UVRAG: variants seen among roughly 807,000 people sequenced by gnomAD.
The protein encoded by UVRAG is UV radiation resistance-associated gene protein.
A neutral mutation model predicts 78.0 loss-of-function variants in UVRAG; 19 were observed. The observed-to-expected ratio is 0.24, with a 90% CI of 0.17 to 0.36. The LOEUF is 0.36. Ranked by LOEUF, UVRAG falls within the 10% of genes least tolerant of loss-of-function variation. The pLI, the probability that UVRAG is intolerant of heterozygous loss-of-function variation, is 1.00. For missense variants in UVRAG, 740 were observed against 853.8 expected (o/e 0.87, Z 1.66); for synonymous variants, 323 against 324.6 (o/e 1.00, Z 0.05).
chr11:75,983,394 A>G lies in UVRAG; in HGVS notation c.707A>G (p.Lys236Arg). 1 of 1,589,052 alleles carries G rather than the reference A, an allele frequency of 6.3e-7. No individual in the cohort carries two copies. Among genetic ancestry groups the G allele is most frequent in the Non-Finnish European group, 8.6e-7 (1 of 1,169,454 alleles). ...GTGATTTTATTTATTTAGAAAAAAAAAAGTGAATGCCTGCAGTTAAAAATT... is the reference window on the plus strand; with the variant it reads ...GTGATTTTATTTATTTAGAAAAAAAGAAGTGAATGCCTGCAGTTAAAAATT... ...LTSTSNELKK[K>R]SECLQLKILV... Residue 236 changes from lysine (K) to arginine (R), a missense_variant, in exon 8 of 15, where the codon AAA (lysine) becomes AGA (arginine). Lys to Arg is a conservative substitution (Grantham distance 26). Coordinates refer to ENST00000356136, the MANE Select transcript of UVRAG (RefSeq NM_003369.4).
chr11:75,974,337 TGCA>T (rs1949187198), intron 7 of UVRAG, among the ~76,000 whole-genome samples: 1 of 148,840 alleles, frequency 6.7e-6, no homozygotes. Context: ...GTCTGTTGGC[TGCA>T]TAAATGTCTT....
intron 13 of UVRAG, among the ~76,000 whole-genome samples, chr11:76,087,597 C>T (rs1193304054): frequency 1.3e-5 from 2 of 152,186 alleles, no homozygotes; most frequent in East Asian, 3.9e-4. Flanking sequence ...AACTTCGAAG[C>T]TCGGAAAAAT....
rs181545523 is a variant in UVRAG at position 76,119,141 on chromosome 11, C to A, written c.1397+3126C>A. Among the ~76,000 whole-genome samples, 6 of 152,214 alleles carry A rather than the reference C, an allele frequency of 3.9e-5. No individual in the cohort carries two copies. In the East Asian group the frequency reaches 1.2e-3, roughly 29 times the overall value. Reference sequence around the variant, plus strand: ...TGCCTACCGAATTCTAAACATAGACCCAAACTCAAAGGTCACTTTTCATCC... The same window carrying A: ...TGCCTACCGAATTCTAAACATAGACACAAACTCAAAGGTCACTTTTCATCC... On this transcript the variant is annotated intron_variant, in intron 14 of 14. Coordinates refer to ENST00000356136, the MANE Select transcript of UVRAG (RefSeq NM_003369.4).
intron 11 of UVRAG, among the ~76,000 whole-genome samples, chr11:76,015,789 G>A (rs1390509130): frequency 6.6e-6 from 1 of 152,134 alleles, no homozygotes; most frequent in African/African-American, 2.4e-5. Flanking sequence ...ATTTTTATTG[G>A]TAATTGAGGT....
At chr11:75,921,307 AAGTACTT>A (rs1274042315) in intron 6 of UVRAG, among the ~76,000 whole-genome samples, 1 of 152,210 alleles carries the variant, frequency 6.6e-6, no homozygotes, top group African/African-American at 2.4e-5. Flanking sequence ...AGCCTGGTGC[AAGTACTT>A]AGTTTGAGCT....
At chr11:75,823,755 G>A (rs1471067274) in intron 1 of UVRAG, among the ~76,000 whole-genome samples, 1 of 152,090 alleles carries the variant, frequency 6.6e-6, no homozygotes, top group Non-Finnish European at 1.5e-5. Flanking sequence ...TCAGAGTTTG[G>A]GACCATCAGG....
At chr11:76,115,847 A>T in intron 13 of UVRAG, 77 bp from the exon 14 acceptor site, 1 of 1,304,886 alleles carries the variant, frequency 7.7e-7, no homozygotes, top group East Asian at 2.4e-5. Context: ...TCAAAAAAAT[A>T]ACTTGTTTAG....
At chr11:75,967,828 C>T (rs1949054135) in intron 7 of UVRAG, among the ~76,000 whole-genome samples, 1 of 152,164 alleles carries the variant, frequency 6.6e-6, no homozygotes, top group Non-Finnish European at 1.5e-5. Flanking sequence ...CTCCATCATA[C>T]ACTTATGAGA....
chr11:75,864,471 T>C (rs1946494278), intron 3 of UVRAG, among the ~76,000 whole-genome samples: 1 of 152,246 alleles, frequency 6.6e-6, no homozygotes, highest in South Asian at 2.1e-4. Flanking sequence ...CCTCAGAGAA[T>C]ATGCCAGAGA....
chr11:75,860,848 G>A (rs1390459274), intron 2 of UVRAG, among the ~76,000 whole-genome samples: 2 of 151,214 alleles, frequency 1.3e-5, no homozygotes, highest in African/African-American at 2.4e-5. Flanking sequence ...GTGCAGTAGT[G>A]CAATTCTACC....
chr11:75,861,064 C>T (rs1216894481), intron 2 of UVRAG, among the ~76,000 whole-genome samples: 1 of 152,178 alleles, frequency 6.6e-6, no homozygotes, highest in African/African-American at 2.4e-5. Context: ...AGTGTCTGAA[C>T]TTCTGACACA....
chr11:76,140,307 G>T (rs961712967), intron 14 of UVRAG, among the ~76,000 whole-genome samples: 7 of 151,808 alleles, frequency 4.6e-5, no homozygotes, highest in African/African-American at 9.7e-5. Context: ...GCTAAAATAA[G>T]AATTGAATTG....
At chr11:75,951,582 A>G (rs564821430) in intron 6 of UVRAG, among the ~76,000 whole-genome samples, 78 of 152,118 alleles carry the variant, frequency 5.1e-4, no homozygotes, top group Non-Finnish European at 9.1e-4. Flanking sequence ...GTGTTTCTCA[A>G]TGTTAGTCAG....
At chr11:76,112,697 T>C (rs1952097221) in intron 13 of UVRAG, among the ~76,000 whole-genome samples, 2 of 151,924 alleles carry the variant, frequency 1.3e-5, no homozygotes, top group African/African-American at 4.8e-5. Context: ...GAGAAGAGTT[T>C]TAAGGTTTTT....
chr11:76,045,170 G>C (rs186098064), intron 12 of UVRAG, among the ~76,000 whole-genome samples: 203 of 152,338 alleles, frequency 1.3e-3, no homozygotes, highest in African/African-American at 4.8e-3. Flanking sequence ...TGGATTCAGA[G>C]ACAGCTAGCA....
chr11:75,943,852 G>T (rs1052471292), intron 6 of UVRAG, among the ~76,000 whole-genome samples: 1 of 152,112 alleles, frequency 6.6e-6, no homozygotes, highest in African/African-American at 2.4e-5. Context: ...CCAACTATGT[G>T]CATGGTCTAG....
chr11:75,976,128 G>A (rs1949233094), intron 7 of UVRAG, among the ~76,000 whole-genome samples: 1 of 152,192 alleles, frequency 6.6e-6, no homozygotes, highest in Non-Finnish European at 1.5e-5. Context: ...AGATAATCAT[G>A]TGGTTTTTGT....
At chr11:76,031,678 A>G (rs553447621) in intron 12 of UVRAG, among the ~76,000 whole-genome samples, 4 of 152,346 alleles carry the variant, frequency 2.6e-5, no homozygotes, top group African/African-American at 9.6e-5. Flanking sequence ...AGTTTTCGGT[A>G]TACTCAAATA....
chr11:75,941,446 A>G (rs1948482628), intron 6 of UVRAG, among the ~76,000 whole-genome samples: 1 of 152,166 alleles, frequency 6.6e-6, no homozygotes, highest in African/African-American at 2.4e-5. Flanking sequence ...AATGCTTGGG[A>G]CTAGAAGTTT....
Sources: allele counts gnomAD v4.1 joint callset (sites outside exome capture counted in the v4.1 genomes callset), GRCh38; gene constraint gnomAD v4.1.1; transcripts MANE v1.5; gene names NCBI Gene and HGNC (gene_info 2026-07-23, HGNC 2026-07-21).